Variants in MAGI2 observed in about 807,000 individuals in gnomAD.
MAGI2 encodes the protein membrane-associated guanylate kinase, WW and PDZ domain-containing protein 2.
In MAGI2, 35 loss-of-function variants were observed where a neutral mutation model predicts 133.3. That is an observed-to-expected ratio of 0.26 (90% CI 0.20 to 0.35). The LOEUF (loss-of-function observed/expected upper bound fraction) is 0.35, where lower values mean the gene tolerates loss of function less well. MAGI2 is among the 10% of genes least tolerant of loss of function. The pLI, the probability that MAGI2 is intolerant of heterozygous loss-of-function variation, is 1.00. For synonymous variants in MAGI2, 729 were observed against 710.6 expected, an observed-to-expected ratio of 1.03 and a Z score of -0.41; for missense variants, 1,636 against 1,863.4, an observed-to-expected ratio of 0.88 and a Z score of 2.25.
intron 2 of MAGI2, among the ~76,000 whole-genome samples, chr7:78,682,947 C>T (rs991691544): frequency 1.3e-5 from 2 of 152,080 alleles, no homozygotes; most frequent in Non-Finnish European, 2.9e-5. Context: ...TCTTTTCAAC[C>T]ACCTGAAATC....
chr7:78,271,094 G>C (rs182735415), intron 9 of MAGI2, among the ~76,000 whole-genome samples: 1 of 152,252 alleles, frequency 6.6e-6, no homozygotes, highest in East Asian at 1.9e-4. Flanking sequence ...GTATGATATT[G>C]GCTGTGGGTT....
chr7:79,101,723 C>CAAAAAAAAAAAAAAA (rs376256842), intron 1 of MAGI2, among the ~76,000 whole-genome samples: 39 of 112,088 alleles, frequency 3.5e-4, no homozygotes, highest in South Asian at 6.4e-4. Context: ...GACTCTGTCA[C>CAAAAAAAAAAAAAAA]AAAAAAAAAA....
intron 2 of MAGI2, among the ~76,000 whole-genome samples, chr7:78,820,142 A>G (rs1436056069): frequency 6.6e-6 from 1 of 152,012 alleles, no homozygotes; most frequent in African/African-American, 2.4e-5. Context: ...CAGTAACATC[A>G]CTGAATATTT....
intron 3 of MAGI2, among the ~76,000 whole-genome samples, chr7:78,552,599 T>C (rs62468615): frequency 6.6e-6 from 1 of 152,230 alleles, no homozygotes; most frequent in East Asian, 1.9e-4. Flanking sequence ...AAGAACTGTA[T>C]AGTGGTGTGG....
rs1036147557 is a variant in MAGI2 at position 78,206,874 on chromosome 7, G to A, written c.2048-5681C>T. ...TTAAGCACAGAAGAGGAGTAGGAAC[G>A]ACTTTTAAACAAAGATATGTTTCAC... On this transcript the variant is annotated intron_variant, in intron 10 of 21. Coordinates refer to ENST00000354212, the MANE Select transcript of MAGI2 (RefSeq NM_012301.4). Among the ~76,000 whole-genome samples, 10 of 152,112 alleles carry A rather than the reference G, an allele frequency of 6.6e-5. 1 individual carries two copies. In the South Asian group the frequency reaches 8.3e-4, roughly 13 times the overall value.
chr7:78,696,885 T>C (rs1402215103), intron 2 of MAGI2, among the ~76,000 whole-genome samples: 2 of 152,184 alleles, frequency 1.3e-5, no homozygotes, highest in Non-Finnish European at 2.9e-5. Flanking sequence ...AGATCAATTT[T>C]AGACATGATA....
intron 1 of MAGI2, among the ~76,000 whole-genome samples, chr7:79,204,351 G>A (rs960885581): frequency 3.3e-5 from 5 of 152,066 alleles, no homozygotes; most frequent in Non-Finnish European, 5.9e-5. Context: ...CAGCAGGCCG[G>A]CCTCAGTGGG....
At chr7:78,439,680 T>C (rs1787405413) in intron 6 of MAGI2, among the ~76,000 whole-genome samples, 1 of 152,172 alleles carries the variant, frequency 6.6e-6, no homozygotes, top group Non-Finnish European at 1.5e-5. Context: ...GCTTCTGAAA[T>C]GTAATCTCTA....
intron 1 of MAGI2, among the ~76,000 whole-genome samples, chr7:79,171,739 C>CAAAA (rs1331571986): frequency 8.8e-5 from 3 of 34,150 alleles, no homozygotes; most frequent in Admixed American, 3.5e-4. Flanking sequence ...AGACAATAGC[C>CAAAA]AAAAATATAT....
At chr7:78,574,068 A>G (rs1174876015) in intron 3 of MAGI2, among the ~76,000 whole-genome samples, 1 of 152,210 alleles carries the variant, frequency 6.6e-6, no homozygotes, top group Admixed American at 6.5e-5. Flanking sequence ...TAGATTGAGT[A>G]AGAAAAAGGG....
chr7:78,888,299 G>A (rs1441587020), intron 2 of MAGI2, among the ~76,000 whole-genome samples: 1 of 152,190 alleles, frequency 6.6e-6, no homozygotes, highest in Non-Finnish European at 1.5e-5. Context: ...CTCCACCTCT[G>A]GGGGCAGGGC....
intron 1 of MAGI2, among the ~76,000 whole-genome samples, chr7:79,083,303 AT>A (rs35248312): frequency 0.26 from 36,570 of 141,952 alleles, 6,587 homozygotes; most frequent in African/African-American, 0.52. Flanking sequence ...GTATGATGTT[AT>A]TTTTTTTTTT....
chr7:79,029,078 GC>G (rs1810310300), intron 1 of MAGI2, among the ~76,000 whole-genome samples: 1 of 152,102 alleles, frequency 6.6e-6, no homozygotes, highest in Admixed American at 6.5e-5. Flanking sequence ...ACTATAGACT[GC>G]CCCAGACACC....
At chr7:79,135,522 G>A (rs1413819424) in intron 1 of MAGI2, among the ~76,000 whole-genome samples, 2 of 152,148 alleles carry the variant, frequency 1.3e-5, no homozygotes, top group Admixed American at 1.3e-4. Flanking sequence ...TAGAGGAAGA[G>A]TAGCTTTTAG....
At chr7:78,828,133 C>T (rs1343966231) in intron 2 of MAGI2, among the ~76,000 whole-genome samples, 2 of 152,194 alleles carry the variant, frequency 1.3e-5, no homozygotes, top group Admixed American at 1.3e-4. Context: ...GATCCACCCG[C>T]CTTGGCCTCC....
At chr7:78,058,478 C>T (rs1584969857) in intron 21 of MAGI2, among the ~76,000 whole-genome samples, 3 of 146,796 alleles carry the variant, frequency 2.0e-5, no homozygotes, top group Non-Finnish European at 4.5e-5. Flanking sequence ...CTTAAAATTC[C>T]TTTTTTTTTT....
At chr7:79,128,375 T>C (rs1052418693) in intron 1 of MAGI2, among the ~76,000 whole-genome samples, 3 of 152,184 alleles carry the variant, frequency 2.0e-5, no homozygotes, top group Non-Finnish European at 2.9e-5. Context: ...AAGTAGTGTG[T>C]TTTTGCCACA....
chr7:78,718,950 C>T (rs372628624), intron 2 of MAGI2, among the ~76,000 whole-genome samples: 115 of 152,248 alleles, frequency 7.6e-4, no homozygotes, highest in African/African-American at 2.6e-3. Context: ...TGCTTTTATA[C>T]TTTTCACTTA....
intron 1 of MAGI2, among the ~76,000 whole-genome samples, chr7:79,367,211 A>G (rs1842759390): frequency 6.6e-6 from 1 of 152,248 alleles, no homozygotes; most frequent in African/African-American, 2.4e-5. Context: ...TGCTGCTGCT[A>G]ATAACTAGAA....
Sources: allele counts gnomAD v4.1 joint callset (sites outside exome capture counted in the v4.1 genomes callset), GRCh38; gene constraint gnomAD v4.1.1; transcripts MANE v1.5; gene names NCBI Gene and HGNC (gene_info 2026-07-23, HGNC 2026-07-21).